Variants in SLC1A6 observed in about 807,000 individuals in gnomAD.
The protein encoded by SLC1A6 is solute carrier family 1 member 6.
In SLC1A6, 15 loss-of-function variants were observed where a neutral mutation model predicts 42.1. The observed-to-expected ratio is 0.36, with a 90% confidence interval of 0.24 to 0.55. The LOEUF (loss-of-function observed/expected upper bound fraction) is 0.55. SLC1A6 is among the 20% of genes least tolerant of loss of function. SLC1A6 has a pLI of 0.88. For synonymous variants in SLC1A6, 317 were observed against 319.7 expected (o/e 0.99, Z 0.09); for missense variants, 542 against 772.5 (o/e 0.70, Z 3.54).
intron 9 of SLC1A6, 110 bp from the exon 10 acceptor site, chr19:14,950,500 G>T: frequency 1.4e-6 from 1 of 703,510 alleles, no homozygotes; most frequent in Non-Finnish European, 2.3e-6. Context: ...GGCTCCCATT[G>T]CAGTACAATC....
At chr19:15,006,435 A>G (rs918081421) in intron 1 of SLC1A6, among the ~76,000 whole-genome samples, 3 of 152,144 alleles carry the variant, frequency 2.0e-5, no homozygotes, top group Non-Finnish European at 4.4e-5. Context: ...CCAAGCCTCC[A>G]TCGCCAAAGG....
intron 1 of SLC1A6, among the ~76,000 whole-genome samples, chr19:14,991,291 G>T (rs1186882133): frequency 6.6e-6 from 1 of 152,110 alleles, no homozygotes; most frequent in Non-Finnish European, 1.5e-5. Context: ...GACCTAGATA[G>T]AGGTGATAGT....
intron 1 of SLC1A6, among the ~76,000 whole-genome samples, chr19:14,990,112 G>C (rs921396263): frequency 9.3e-6 from 1 of 107,816 alleles, no homozygotes; most frequent in Admixed American, 9.5e-5. Context: ...GTCTCAAAGA[G>C]ATATCTGCAC....
In SLC1A6 at chr19:14,952,953, G is replaced by A. The variant is rs1224636433; in HGVS notation, c.1474C>T (p.Leu492Phe). Residue 492 changes from leucine to phenylalanine, a missense_variant, in exon 9 of 10, where the codon CTC (leucine) becomes TTC (phenylalanine). Physicochemically the swap from Leu to Phe is conservative, Grantham distance 22 (BLOSUM62 0). This residue lies in a region of SLC1A6 where 54 missense variants were observed against 125.1 expected (regional missense o/e 0.43). Coordinates refer to ENST00000594383, the MANE Select transcript of SLC1A6 (RefSeq NM_005071.3). ...SVGLPTEDITLIIAVDWFLDR... is the reference protein window; with the variant it reads ...SVGLPTEDITFIIAVDWFLDR... ...AGGAACCAGTCCACGGCAATGATGA[G>A]CGTGATGTCTTCCGTGGGCAAGCCG... 4 of 1,613,934 alleles carry A rather than the reference G, an allele frequency of 2.5e-6. No individual in the cohort carries two copies. Among genetic ancestry groups the A allele is most frequent in the African/African-American group, 1.3e-5 (1 of 74,894 alleles).
intron 5 of SLC1A6, among the ~76,000 whole-genome samples, chr19:14,962,918 A>C (rs774570823): frequency 9.9e-5 from 15 of 152,126 alleles, no homozygotes; most frequent in African/African-American, 2.2e-4. Flanking sequence ...ACAAAAAAAA[A>C]TTGAACTACC....
At chr19:14,991,305 A>C (rs1299865278) in intron 1 of SLC1A6, among the ~76,000 whole-genome samples, 2 of 152,134 alleles carry the variant, frequency 1.3e-5, no homozygotes, top group African/African-American at 4.8e-5. Flanking sequence ...TGATAGTTAC[A>C]GGACACTGGG....
intron 6 of SLC1A6, among the ~76,000 whole-genome samples, chr19:14,960,087 T>C (rs2045496267): frequency 6.6e-6 from 1 of 151,596 alleles, no homozygotes; most frequent in African/African-American, 2.4e-5. Flanking sequence ...TAAAGATATT[T>C]CTGAAGTAAT....
rs538566888 is a variant in SLC1A6 at position 14,993,063 on chromosome 19, C to T, written c.6+17422G>A. 2.6e-5 allele frequency among the ~76,000 whole-genome samples: 4 copies of T among 152,258 alleles called. No individual in the cohort carries two copies. In the East Asian group the frequency reaches 7.7e-4, roughly 29 times the overall value. On this transcript the variant is annotated intron_variant, in intron 1 of 8. Coordinates refer to the SLC1A6 transcript ENST00000430939. ...GGAGGTGGGAGGAGGACCAGGTCTCCCCGTCCTGATCCCCTGTCTTTCATT... is the reference window on the plus strand; with the variant it reads ...GGAGGTGGGAGGAGGACCAGGTCTCTCCGTCCTGATCCCCTGTCTTTCATT...
intron 1 of SLC1A6, chr19:14,974,471 G>A (rs1298933690): frequency 1.3e-5 from 2 of 151,834 alleles, no homozygotes; most frequent in Non-Finnish European, 2.9e-5. Flanking sequence ...TAAATAAAAT[G>A]CATATAAAAA....
chr19:14,960,597 T>C (rs10415969), intron 6 of SLC1A6, among the ~76,000 whole-genome samples: 77,913 of 152,056 alleles, frequency 0.51, 20,256 homozygotes, highest in South Asian at 0.62. Flanking sequence ...GCATAGGAGA[T>C]GAATAAATCC....
chr19:14,962,418 G>C (rs1007191814), intron 5 of SLC1A6, 73 bp from the exon 6 acceptor site: 2 of 1,063,628 alleles, frequency 1.9e-6, no homozygotes, highest in African/African-American at 1.6e-5. Context: ...AATTCCTTGA[G>C]ACCACTGATT....
upstream of SLC1A6, among the ~76,000 whole-genome samples, chr19:14,984,555 T>C (rs2145227186): frequency 6.6e-6 from 1 of 152,358 alleles, no homozygotes; most frequent in Admixed American, 6.5e-5. Context: ...GACACCAAAA[T>C]GCTACATATT....
At chr19:14,986,928 C>T (rs1339689131) in intron 1 of SLC1A6, among the ~76,000 whole-genome samples, 1 of 152,124 alleles carries the variant, frequency 6.6e-6, no homozygotes, top group Non-Finnish European at 1.5e-5. Flanking sequence ...ATAATGACCC[C>T]TAGTACAGTT....
intron 9 of SLC1A6, among the ~76,000 whole-genome samples, chr19:14,951,253 CAAAA>C (rs1164185118): frequency 5.2e-4 from 45 of 86,810 alleles, no homozygotes; most frequent in African/African-American, 1.5e-3. Context: ...CTCTGTCTCA[CAAAA>C]AAAAAAAAAA....
chr19:14,985,520 C>T (rs951172956), intron 1 of SLC1A6, among the ~76,000 whole-genome samples: 7 of 152,242 alleles, frequency 4.6e-5, no homozygotes, highest in African/African-American at 1.7e-4. Flanking sequence ...TTCTGCTCCC[C>T]TTCACCTTCC....
At chr19:14,994,919 A>C (rs560739919) in intron 1 of SLC1A6, among the ~76,000 whole-genome samples, 2 of 152,346 alleles carry the variant, frequency 1.3e-5, no homozygotes, top group South Asian at 4.1e-4. Flanking sequence ...TTGCAACCAC[A>C]TGGATGAACT....
chr19:15,010,170 T>A (rs1349990971), intron 1 of SLC1A6, among the ~76,000 whole-genome samples: 1 of 99,414 alleles, frequency 1.0e-5, no homozygotes, highest in East Asian at 4.4e-4. Context: ...CAGACGACAG[T>A]GCAAGACTCT....
At chr19:14,988,644 A>G (rs1366531949) in intron 1 of SLC1A6, among the ~76,000 whole-genome samples, 2 of 152,258 alleles carry the variant, frequency 1.3e-5, no homozygotes, top group Non-Finnish European at 2.9e-5. Context: ...CCATTAAAAA[A>G]GAATGAAATC....
In SLC1A6 at chr19:14,968,357, C is replaced by T. The variant is rs149934975; in HGVS notation, c.494G>A (p.Arg165Gln). The part of the protein sequence containing the change: ...PGKGSKEGLH[R>Q]EGRIETIPTA... ...GGGGATGGTCTCGATCCGGCCCTCC[C>T]GGTGCAGCCCCTCCTTGGAGCCCTT... is the stretch of plus-strand genomic sequence containing the variant. Residue 165 changes from arginine to glutamine, a missense_variant, in exon 4 of 10, where the codon CGG becomes CAG. This residue lies in a region of SLC1A6 where 298 missense variants were observed against 419.4 expected (regional missense o/e 0.71). Coordinates refer to ENST00000594383, the MANE Select transcript of SLC1A6 (RefSeq NM_005071.3). The T allele has an allele frequency of 4.2e-5, 68 of 1,613,800 alleles. No individual in the cohort carries two copies. The highest frequency in any genetic ancestry group is 6.7e-5 in the East Asian group (3 of 44,878).
Sources: gnomAD v4.1 joint callset for allele counts (sites outside exome capture counted in the v4.1 genomes callset) on GRCh38, gnomAD v4.1.1 for gene constraint, gnomAD v4.1.1 regional missense constraint, MANE v1.5 for transcripts, NCBI Gene and HGNC (gene_info 2026-07-23, HGNC 2026-07-21) for gene names.